Variants in SLC28A1 observed in about 807,000 individuals in gnomAD.
SLC28A1 encodes the protein sodium/nucleoside cotransporter 1.
In SLC28A1, 64 loss-of-function variants were observed where a neutral mutation model predicts 74.8. The observed-to-expected ratio is 0.86, with a 90% confidence interval of 0.70 to 1.05. The LOEUF (loss-of-function observed/expected upper bound fraction) is 1.05, where lower values mean the gene tolerates loss of function less well. SLC28A1 is among the 50% of genes least tolerant of loss of function. The pLI, the probability that SLC28A1 is intolerant of heterozygous loss-of-function variation, is 0.00. For synonymous variants in SLC28A1, 359 were observed against 335.0 expected, an observed-to-expected ratio of 1.07 and a Z score of -0.78; for missense variants, 828 against 822.8, an observed-to-expected ratio of 1.01 and a Z score of -0.08.
chr15:84,902,238 G>A (rs1966754156), intron 6 of SLC28A1, among the ~76,000 whole-genome samples: 1 of 152,160 alleles, frequency 6.6e-6, no homozygotes, highest in South Asian at 2.1e-4. Flanking sequence ...CCAGCACTTT[G>A]GGAGGCTGAG....
chr15:84,908,920 T>TA (rs1967722850), intron 9 of SLC28A1, 125 bp downstream of exon 9: 9 of 785,052 alleles, frequency 1.1e-5, no homozygotes, highest in Non-Finnish European at 2.0e-5. Context: ...GAGGTCGCCG[T>TA]ACTGGGAAGT....
At chr15:84,974,143 C>A in the SLC28A1 span, among the ~76,000 whole-genome samples, 6 of 152,156 alleles carry the variant, frequency 3.9e-5, no homozygotes, top group Admixed American at 6.5e-5. Flanking sequence ...ACGATCGTTG[C>A]GGCTGACATT....
At chr15:84,916,330 C>A (rs1314844582) in intron 9 of SLC28A1, among the ~76,000 whole-genome samples, 2 of 150,362 alleles carry the variant, frequency 1.3e-5, no homozygotes, top group Non-Finnish European at 2.9e-5. Flanking sequence ...CAGCCTCGAA[C>A]TCCTGGAATC....
chr15:84,933,923 C>G (rs1212211124), intron 13 of SLC28A1, among the ~76,000 whole-genome samples: 1 of 152,138 alleles, frequency 6.6e-6, no homozygotes, highest in Non-Finnish European at 1.5e-5. Context: ...TGCAGTAAGC[C>G]TAGATCGCAC....
At position 84,888,762 on chromosome 15, in the gene SLC28A1, C is replaced by T. The variant is rs8187742; in HGVS notation, c.97-10C>T. The T allele has an allele frequency of 1.0e-3, 1,553 of 1,549,480 alleles. 11 individuals are homozygous for T. In the African/African-American group the frequency reaches 0.017, roughly 17 times the overall value. The stretch of plus-strand genomic sequence containing the variant: ...GGCAGGCCGACCTGACGGCTCCCTG[C>T]GGGCTGTAGGAGGAAGGCCAGCTCC... On this transcript the variant is annotated splice_polypyrimidine_tract_variant and intron_variant, in intron 3 of 18. Transcript: ENST00000394573.
intron 6 of SLC28A1, chr15:84,895,560 T>A: frequency 6.5e-7 from 1 of 1,537,898 alleles, no homozygotes; most frequent in African/African-American, 1.4e-5. Flanking sequence ...GCAGCGTCCT[T>A]GGACAACAGT....
chr15:84,937,598 T>G (rs1044817426), intron 15 of SLC28A1, among the ~76,000 whole-genome samples: 1 of 152,152 alleles, frequency 6.6e-6, no homozygotes, highest in Non-Finnish European at 1.5e-5. Flanking sequence ...GGACTCTAGG[T>G]TTTTTAAAAA....
Position 84,944,564 on chromosome 15 carries a change from A to G in SLC28A1, c.1664-2A>G, listed in dbSNP as rs977827839. 1 of 1,610,922 alleles carries G rather than the reference A, an allele frequency of 6.2e-7. No homozygotes were observed. Among genetic ancestry groups the G allele is most frequent in the African/African-American group, 1.3e-5 (1 of 74,888 alleles). ...GCCCTGAGCACTTCTGTCCCCTTGCAGCCTCCATGGTCCCCCAACGGAAGA... is the reference window on the plus strand; with the variant it reads ...GCCCTGAGCACTTCTGTCCCCTTGCGGCCTCCATGGTCCCCCAACGGAAGA... On this transcript the variant is annotated splice_acceptor_variant, in intron 16 of 18. Transcript: ENST00000394573. LOFTEE classifies it high-confidence loss of function.
At chr15:84,912,797 T>TGTGCGCGCGCGTGCGC (rs1555449050) in intron 9 of SLC28A1, among the ~76,000 whole-genome samples, 1 of 118,174 alleles carries the variant, frequency 8.5e-6, no homozygotes, top group African/African-American at 3.3e-5. Context: ...TGCCAAATTT[T>TGTGCGCGCGCGTGCGC]GCGCGCGCGC....
intron 2 of SLC28A1, 43 bp downstream of exon 2, chr15:84,886,830 G>A (rs146262195): frequency 9.4e-4 from 874 of 933,378 alleles, no homozygotes; most frequent in Middle Eastern, 1.1e-3. Context: ...GCTGCTGTGC[G>A]TCTGTGTGTG....
the SLC28A1 span, among the ~76,000 whole-genome samples, chr15:84,952,243 G>T: frequency 1.3e-5 from 2 of 152,206 alleles, no homozygotes; most frequent in Admixed American, 1.3e-4. Flanking sequence ...CACAAGGACT[G>T]CTTGGAGCAG....
rs759932495 is a variant in SLC28A1 at position 84,935,433 on chromosome 15, T to C, written c.1496T>C (p.Val499Ala). Reference sequence around the variant, plus strand: ...ATCAAGCTGTTTCTGAACGAGTTTGTGGCCTATCAAGACCTCTCCAAGTAC... The same window carrying C: ...ATCAAGCTGTTTCTGAACGAGTTTGCGGCCTATCAAGACCTCTCCAAGTAC... ...LGIKLFLNEF[V>A]AYQDLSKYKQ... The change falls in exon 15 of 19, where the codon GTG becomes GCG. Residue 499 changes from valine (V) to alanine (A), a missense_variant. This residue lies in a region of SLC28A1 where 767 missense variants were observed against 753.5 expected (regional missense o/e 1.02). Transcript: ENST00000394573. The C allele has an allele frequency of 5.6e-6, 9 of 1,614,242 alleles. No homozygotes were observed. In the South Asian group the frequency reaches 8.8e-5, roughly 16 times the overall value.
At chr15:84,946,084 T>G (rs376386767), downstream of SLC28A1, among the ~76,000 whole-genome samples, 9 of 27,552 alleles carry the variant, frequency 3.3e-4, no homozygotes, top group East Asian at 1.8e-3. Context: ...GTGTGTATGT[T>G]CATATATATA....
intron 3 of SLC28A1, among the ~76,000 whole-genome samples, chr15:84,888,365 T>C (rs1409366419): frequency 6.6e-6 from 1 of 151,838 alleles, no homozygotes; most frequent in East Asian, 1.9e-4. Flanking sequence ...TCTCTTGGGG[T>C]GCTCCTTTCA....
At chr15:84,952,874 T>C in the SLC28A1 span, among the ~76,000 whole-genome samples, 1 of 152,152 alleles carries the variant, frequency 6.6e-6, no homozygotes, top group African/African-American at 2.4e-5. Context: ...ATAAAAAAAA[T>C]TTTTAATAAT....
intron 11 of SLC28A1, among the ~76,000 whole-genome samples, chr15:84,921,587 C>G (rs1969839526): frequency 6.6e-6 from 1 of 152,210 alleles, no homozygotes; most frequent in Non-Finnish European, 1.5e-5. Flanking sequence ...GAGGATGGCC[C>G]TCTGGAGACT....
intron 9 of SLC28A1, among the ~76,000 whole-genome samples, chr15:84,916,673 C>T (rs1370645315): frequency 2.0e-5 from 3 of 152,148 alleles, no homozygotes; most frequent in African/African-American, 7.2e-5. Context: ...CCAAACTGAT[C>T]TTCCCACAAA....
At chr15:84,964,536 G>C in the SLC28A1 span, among the ~76,000 whole-genome samples, 2 of 152,218 alleles carry the variant, frequency 1.3e-5, no homozygotes, top group Admixed American at 1.3e-4. Flanking sequence ...TGGTTTACAT[G>C]ATGTGAGATT....
chr15:84,890,761 A>G (rs763824244), intron 5 of SLC28A1, among the ~76,000 whole-genome samples: 4 of 152,164 alleles, frequency 2.6e-5, no homozygotes, highest in Non-Finnish European at 5.9e-5. Context: ...AGTCCCACAT[A>G]ATGCAGCATG....
Sources: gnomAD v4.1 joint callset for allele counts (sites outside exome capture counted in the v4.1 genomes callset) on GRCh38, gnomAD v4.1.1 for gene constraint, gnomAD v4.1.1 regional missense constraint, MANE v1.5 for transcripts, NCBI Gene and HGNC (gene_info 2026-07-23, HGNC 2026-07-21) for gene names.